The following PPARGC1A variants were observed in gnomAD, a reference collection of about 807,000 sequenced individuals.
The protein encoded by PPARGC1A is peroxisome proliferator-activated receptor gamma coactivator 1-alpha.
A neutral mutation model predicts 88.7 loss-of-function variants in PPARGC1A; 25 were observed. That is an observed-to-expected ratio of 0.28 (90% CI 0.21 to 0.39). PPARGC1A has a LOEUF of 0.39. PPARGC1A is among the 10% of genes least tolerant of loss of function. The pLI is 1.00. For synonymous variants in PPARGC1A, 363 were observed against 355.6 expected (o/e 1.02, Z -0.24); for missense variants, 880 against 968.7 (o/e 0.91, Z 1.22).
At chr4:24,334,955 G>A in the PPARGC1A span, among the ~76,000 whole-genome samples, 1 of 152,176 alleles carries the variant, frequency 6.6e-6, no homozygotes, top group African/African-American at 2.4e-5. Flanking sequence ...AAGACTAATT[G>A]TAAGCACTTG....
chr4:24,043,591 G>A, the PPARGC1A span, among the ~76,000 whole-genome samples: 5 of 152,044 alleles, frequency 3.3e-5, no homozygotes, highest in Middle Eastern at 3.4e-3. Context: ...CTCATCGATC[G>A]CATGTTATGA....
chr4:23,950,738 AG>A, the PPARGC1A span, among the ~76,000 whole-genome samples: 1 of 152,144 alleles, frequency 6.6e-6, no homozygotes, highest in African/African-American at 2.4e-5. Flanking sequence ...AATCGTGGTT[AG>A]TTCTCTTCCT....
At chr4:24,076,808 A>C in the PPARGC1A span, among the ~76,000 whole-genome samples, 3 of 152,108 alleles carry the variant, frequency 2.0e-5, no homozygotes, top group African/African-American at 7.2e-5. Context: ...ACATACATTA[A>C]TATATTTCCT....
chr4:24,410,616 C>A, the PPARGC1A span, among the ~76,000 whole-genome samples: 1 of 152,038 alleles, frequency 6.6e-6, no homozygotes, highest in Non-Finnish European at 1.5e-5. Flanking sequence ...AATCAGTGGT[C>A]GGGGTGAGGC....
the PPARGC1A span, among the ~76,000 whole-genome samples, chr4:24,367,158 A>C: frequency 6.6e-6 from 1 of 152,220 alleles, no homozygotes; most frequent in Non-Finnish European, 1.5e-5. Context: ...TAAGAGCCTA[A>C]AGGTGAGCAA....
the PPARGC1A span, among the ~76,000 whole-genome samples, chr4:24,168,467 A>C: frequency 3.3e-5 from 5 of 152,242 alleles, no homozygotes; most frequent in Non-Finnish European, 7.3e-5. Context: ...GAGCACTCGT[A>C]GCATTCAGTT....
chr4:23,830,671 A>G (rs1009918073), intron 3 of PPARGC1A, among the ~76,000 whole-genome samples: 2 of 152,210 alleles, frequency 1.3e-5, no homozygotes, highest in African/African-American at 2.4e-5. Context: ...CATGCCAAAC[A>G]CGATATTAGA....
At chr4:24,092,488 A>G in the PPARGC1A span, among the ~76,000 whole-genome samples, 1 of 152,160 alleles carries the variant, frequency 6.6e-6, no homozygotes, top group Non-Finnish European at 1.5e-5. Flanking sequence ...TAGAATCACA[A>G]AACTCGGTGC....
the PPARGC1A span, among the ~76,000 whole-genome samples, chr4:24,333,934 CAACAACAAAAAAAAAAAAA>C: frequency 7.1e-5 from 1 of 14,146 alleles, no homozygotes; most frequent in Non-Finnish European, 2.0e-4. Flanking sequence ...ACTCCAACAA[CAACAACAAAAAAAAAAAAA>C]AAAAAAAAAA....
chr4:24,049,905 C>G, the PPARGC1A span, among the ~76,000 whole-genome samples: 4 of 152,260 alleles, frequency 2.6e-5, no homozygotes, highest in African/African-American at 9.6e-5. Flanking sequence ...GGGAAAAGCA[C>G]AGAAGCACTT....
the PPARGC1A span, among the ~76,000 whole-genome samples, chr4:24,310,592 G>T: frequency 6.6e-6 from 1 of 151,958 alleles, no homozygotes; most frequent in South Asian, 2.1e-4. Flanking sequence ...ATCACCTAAG[G>T]ATAAAATAAC....
chr4:24,000,272 G>C, the PPARGC1A span, among the ~76,000 whole-genome samples: 1 of 152,044 alleles, frequency 6.6e-6, no homozygotes, highest in African/African-American at 2.4e-5. Context: ...CCTCTGACAT[G>C]AATCTCAGAG....
the PPARGC1A span, among the ~76,000 whole-genome samples, chr4:24,386,193 C>T: frequency 6.6e-6 from 1 of 152,188 alleles, no homozygotes; most frequent in East Asian, 1.9e-4. Flanking sequence ...ATTCAACACC[C>T]CTTCATGCTA....
At chr4:24,189,504 A>G in the PPARGC1A span, among the ~76,000 whole-genome samples, 3 of 152,094 alleles carry the variant, frequency 2.0e-5, no homozygotes, top group Admixed American at 2.0e-4. Context: ...AATAAGAAGC[A>G]CTTGGCAATT....
At chr4:24,318,001 C>G in the PPARGC1A span, among the ~76,000 whole-genome samples, 1 of 152,242 alleles carries the variant, frequency 6.6e-6, no homozygotes, top group South Asian at 2.1e-4. Context: ...GAAGTTCTGT[C>G]GTGATTAAAG....
the PPARGC1A span, among the ~76,000 whole-genome samples, chr4:24,470,271 GACACAGACACACACACAC>G: frequency 1.4e-4 from 10 of 72,026 alleles, no homozygotes; most frequent in Non-Finnish European, 2.9e-4. The surrounding 1 kb of genome is among the most constrained non-coding windows in gnomAD (Gnocchi z 5.8). Context: ...CTCATCGACA[GACACAGACACACACACAC>G]ACACACACAC....
the PPARGC1A span, among the ~76,000 whole-genome samples, chr4:24,326,381 C>T: frequency 2.6e-5 from 4 of 152,154 alleles, no homozygotes; most frequent in Non-Finnish European, 2.9e-5. Context: ...TTTGCCTATC[C>T]ACCCCATGGT....
the PPARGC1A span, among the ~76,000 whole-genome samples, chr4:24,285,819 A>C: frequency 6.6e-6 from 1 of 152,010 alleles, no homozygotes; most frequent in Non-Finnish European, 1.5e-5. Context: ...TCATTTCCCC[A>C]CCACTTCCAA....
At chr4:24,190,243 C>T in the PPARGC1A span, among the ~76,000 whole-genome samples, 2 of 152,140 alleles carry the variant, frequency 1.3e-5, no homozygotes, top group Admixed American at 6.5e-5. Context: ...TGGGCGGGTA[C>T]GGAGGCTCAC....
Sources: allele counts gnomAD v4.1 joint callset (sites outside exome capture counted in the v4.1 genomes callset), GRCh38; gene constraint gnomAD v4.1.1; non-coding constraint Gnocchi (gnomAD v3.1); transcripts MANE v1.5; gene names NCBI Gene and HGNC (gene_info 2026-07-23, HGNC 2026-07-21).